The following ZFYVE16 variants were observed in gnomAD, a reference collection of about 807,000 sequenced individuals.
The protein encoded by ZFYVE16 is zinc finger FYVE-type containing 16.
In ZFYVE16, 89 loss-of-function variants were observed where a neutral mutation model predicts 138.1. That is an observed-to-expected ratio of 0.64 (90% CI 0.54 to 0.77). The LOEUF (loss-of-function observed/expected upper bound fraction) is 0.77. Among genes scored for constraint, ZFYVE16 ranks in the 30% least tolerant of loss-of-function variants. The probability of loss-of-function intolerance (pLI) is 0.00; values close to 1 mark genes in which losing one functional copy is unlikely to be tolerated. For missense variants in ZFYVE16, 1,793 were observed against 1,786.7 expected (o/e 1.00, Z -0.06); for synonymous variants, 596 against 618.3 (o/e 0.96, Z 0.53).
intron 15 of ZFYVE16, among the ~76,000 whole-genome samples, chr5:80,471,799 C>G (rs1172730577): frequency 3.9e-5 from 6 of 152,184 alleles, no homozygotes; most frequent in Non-Finnish European, 8.8e-5. Context: ...TAGGCAGTTT[C>G]ATGGTTGATC....
chr5:80,411,134 A>ATTTTTTTTTTTT (rs58086060), intron 1 of ZFYVE16, among the ~76,000 whole-genome samples: 31 of 95,228 alleles, frequency 3.3e-4, no homozygotes, highest in African/African-American at 7.6e-4. Context: ...CGCCCAGCTA[A>ATTTTTTTTTTTT]TTTTTTTTTT....
intron 7 of ZFYVE16, among the ~76,000 whole-genome samples, chr5:80,446,533 A>G (rs1751373202): frequency 6.6e-6 from 1 of 152,050 alleles, no homozygotes; most frequent in East Asian, 1.9e-4. Flanking sequence ...ATCTGGTTCT[A>G]CATTCTGTGT....
chr5:80,423,468 G>A (rs528360887), intron 1 of ZFYVE16, among the ~76,000 whole-genome samples: 3 of 151,978 alleles, frequency 2.0e-5, no homozygotes, highest in African/African-American at 7.2e-5. Context: ...TTGTTTAATT[G>A]GTTTCCTCTA....
chr5:80,428,095 T>C (rs932767192), intron 2 of ZFYVE16, among the ~76,000 whole-genome samples: 3 of 151,508 alleles, frequency 2.0e-5, no homozygotes, highest in African/African-American at 7.3e-5. Flanking sequence ...CCAACTGAGA[T>C]TTGAAGAGAG....
At chr5:80,440,281 A>G (rs1750518791) in intron 5 of ZFYVE16, 2 of 1,124,840 alleles carry the variant, frequency 1.8e-6, no homozygotes, top group Admixed American at 4.9e-5. Context: ...ACAGGTACCA[A>G]GTCCCTAAAT....
chr5:80,412,245 G>A (rs1453263577), intron 1 of ZFYVE16, among the ~76,000 whole-genome samples: 4 of 151,832 alleles, frequency 2.6e-5, no homozygotes, highest in Admixed American at 6.6e-5. Flanking sequence ...GCCAATTTTT[G>A]TAATCATGAA....
intron 1 of ZFYVE16, among the ~76,000 whole-genome samples, chr5:80,426,254 G>C (rs1315777774): frequency 1.9e-5 from 1 of 53,120 alleles, no homozygotes; most frequent in Non-Finnish European, 4.4e-5. Flanking sequence ...GTGTGTGTGT[G>C]TGTGTGTGTG....
chr5:80,456,449 T>C lies in ZFYVE16; in HGVS notation c.3691-12T>C. 6.3e-7 allele frequency: 1 copy of C among 1,584,598 alleles called. No homozygotes were observed. The highest frequency in any genetic ancestry group is 1.3e-5 in the African/African-American group (1 of 74,244). On this transcript the variant is annotated splice_polypyrimidine_tract_variant and intron_variant, in intron 12 of 18. Transcript: ENST00000505560. The stretch of plus-strand genomic sequence containing the variant: ...GGTTAGTAGTTTATGGTAATGCAAT[T>C]ATTCTATGTAGGACCTTCGAAATTA...
At chr5:80,439,134 C>T in intron 4 of ZFYVE16, 127 bp downstream of exon 4, 4 of 1,015,354 alleles carry the variant, frequency 3.9e-6, no homozygotes, top group Non-Finnish European at 5.6e-6. Flanking sequence ...TGTTTTTCAT[C>T]TACCAGTCAG....
chr5:80,467,069 A>G (rs911169914), intron 15 of ZFYVE16, among the ~76,000 whole-genome samples: 2 of 152,162 alleles, frequency 1.3e-5, no homozygotes, highest in Admixed American at 1.3e-4. Flanking sequence ...GGAAGACCCT[A>G]CTTACAAGGC....
intron 2 of ZFYVE16, among the ~76,000 whole-genome samples, chr5:80,432,295 T>C (rs937994094): frequency 6.6e-6 from 1 of 152,060 alleles, no homozygotes; most frequent in African/African-American, 2.4e-5. Context: ...TCTACAACCA[T>C]CTGATCTTTG....
Position 80,412,293 on chromosome 5 carries a change from A to G in ZFYVE16, c.-94+4140A>G, listed in dbSNP as rs146748372. ...AACCATTTTATTGTAAATATTACGA[A>G]GATTTTTTCTTAAATTTAAAAATAT... On this transcript the variant is annotated intron_variant, in intron 1 of 18. Transcript: ENST00000505560. Among the ~76,000 whole-genome samples, 304 of 152,280 alleles carry G rather than the reference A, an allele frequency of 2.0e-3. 2 individuals carry two copies. The highest frequency in any genetic ancestry group is 7.0e-3 in the African/African-American group (291 of 41,554).
rs1751211739 is a variant in ZFYVE16 at position 80,445,436 on chromosome 5, T to C, written c.2724+31T>C. ...GAATTCAAAGAATAACTTAATTGAC[T>C]AAACAAAATTTTATTTCGTAGATAA... On this transcript the variant is annotated intron_variant, in intron 7 of 18. Coordinates refer to ENST00000505560, the MANE Select transcript of ZFYVE16 (RefSeq NM_001284236.3). The C allele has an allele frequency of 1.9e-6, 3 of 1,584,048 alleles. 1 individual carries two copies. Among genetic ancestry groups the C allele is most frequent in the Non-Finnish European group, 8.6e-7 (1 of 1,167,254 alleles).
Position 80,456,525 on chromosome 5 carries a change from G to T in ZFYVE16, c.3755G>T (p.Gly1252Val), listed in dbSNP as rs1561310640. The change falls in exon 13 of 19, where the codon GGA becomes GTA. Residue 1252 changes from glycine (G) to valine (V), a missense_variant. Around this residue, in one of 2 missense-constraint regions of ZFYVE16, gnomAD observed 498 missense variants for 582.4 expected, o/e 0.86. Coordinates refer to ENST00000505560, the MANE Select transcript of ZFYVE16 (RefSeq NM_001284236.3). ...IDQLLIHMEM[G>V]KSCIKIPRKK... is the part of the protein sequence containing the mutation. Reference sequence around the variant, plus strand: ...CAACTGTTGATTCATATGGAAATGGGAAAAAGCTGCATAAAAATACCACGG... The same window carrying T: ...CAACTGTTGATTCATATGGAAATGGTAAAAAGCTGCATAAAAATACCACGG... 6.2e-7 allele frequency: 1 copy of T among 1,612,872 alleles called. No individual in the cohort carries two copies. The highest frequency in any genetic ancestry group is 1.3e-5 in the African/African-American group (1 of 74,878).
intron 1 of ZFYVE16, among the ~76,000 whole-genome samples, chr5:80,417,446 T>C (rs1746420928): frequency 6.6e-6 from 1 of 152,220 alleles, no homozygotes; most frequent in African/African-American, 2.4e-5. Flanking sequence ...CGTGATTATC[T>C]TATATTCACC....
At position 80,438,834 on chromosome 5, in the gene ZFYVE16, A is replaced by C; in HGVS notation, c.2149A>C (p.Ser717Arg). The change falls in exon 4 of 19, where the codon AGT (serine) becomes CGT (arginine). Residue 717 changes from serine (S) to arginine (R), a missense_variant. Coordinates refer to ENST00000505560, the MANE Select transcript of ZFYVE16 (RefSeq NM_001284236.3). ...AGAAAGTAATTCTGAAGGTGGATCT[A>C]GTTTCGTAACTGCAAATGAAGATTC... ...DIESNSEGGS[S>R]FVTANEDSVP... 6.2e-7 allele frequency: 1 copy of C among 1,614,094 alleles called. No homozygotes were observed.
intron 16 of ZFYVE16, among the ~76,000 whole-genome samples, chr5:80,473,502 A>C (rs926085859): frequency 6.6e-6 from 1 of 152,162 alleles, no homozygotes; most frequent in Non-Finnish European, 1.5e-5. Context: ...TAGACTATCT[A>C]AGGTATTTTA....
intron 15 of ZFYVE16, among the ~76,000 whole-genome samples, chr5:80,463,259 A>G (rs934265053): frequency 6.6e-6 from 1 of 152,114 alleles, no homozygotes; most frequent in African/African-American, 2.4e-5. Flanking sequence ...ATTTCCGTAC[A>G]TCCTCTGAAA....
chr5:80,432,647 G>A (rs1010240341), intron 2 of ZFYVE16, among the ~76,000 whole-genome samples: 14 of 152,076 alleles, frequency 9.2e-5, no homozygotes, highest in Admixed American at 7.9e-4. Context: ...GAGTGAACAG[G>A]CAACCTACAG....
Sources: allele counts gnomAD v4.1 joint callset (sites outside exome capture counted in the v4.1 genomes callset), GRCh38; gene constraint gnomAD v4.1.1; regional missense constraint gnomAD v4.1.1; transcripts MANE v1.5; gene names NCBI Gene and HGNC (gene_info 2026-07-23, HGNC 2026-07-21).